FZD3: variants seen among roughly 807,000 people sequenced by gnomAD.
FZD3 encodes frizzled class receptor 3.
In FZD3, 30 loss-of-function variants were observed where a neutral mutation model predicts 60.7. That is an observed-to-expected ratio of 0.49 (90% CI 0.37 to 0.67). The LOEUF is 0.67. Ranked by LOEUF, FZD3 falls within the 30% of genes least tolerant of loss-of-function variation. The probability of loss-of-function intolerance (pLI) is 0.00; values close to 1 mark genes in which losing one functional copy is unlikely to be tolerated. For missense variants in FZD3, 605 were observed against 838.7 expected (o/e 0.72, Z 3.44); for synonymous variants, 246 against 275.2 (o/e 0.89, Z 1.05).
rs1360445216 is a variant in FZD3 at position 28,527,104 on chromosome 8, T to C, written c.387-43T>C. The C allele has an allele frequency of 2.0e-6, 3 of 1,510,470 alleles. No homozygotes were observed. Among genetic ancestry groups the C allele is most frequent in the Admixed American group, 4.0e-5 (2 of 49,560 alleles). The allele number at this position is 1,510,470 out of a possible 1,614,324, so 93.6% of individuals were successfully genotyped here. The stretch of plus-strand genomic sequence containing the variant: ...CCAAACTGTTAGATCGTGATAGATT[T>C]CCCCATAAGTAAAAATAGTTCTCAT... On this transcript the variant is annotated intron_variant, in intron 4 of 7. Transcript: ENST00000240093. The surrounding 1 kb of genome is among the most constrained non-coding windows in gnomAD (Gnocchi z 5.0).
At chr8:28,544,498 C>G (rs1805249951) in intron 5 of FZD3, among the ~76,000 whole-genome samples, 1 of 152,010 alleles carries the variant, frequency 6.6e-6, no homozygotes, top group South Asian at 2.1e-4. Flanking sequence ...TTTCTTAGAG[C>G]AATTCATTTG....
chr8:28,527,354 A>T lies in FZD3; in HGVS notation c.594A>T (p.Glu198Asp). Residue 198 changes from glutamate (E) to aspartate (D), a missense_variant, in exon 5 of 8, where the codon GAA (glutamate) becomes GAT (aspartate). Transcript: ENST00000240093. The surrounding 1 kb of genome is among the most constrained non-coding windows in gnomAD (Gnocchi z 5.0). Reference protein sequence around the residue: ...PCPNMYFRREELSFARYFIGL... With the variant: ...PCPNMYFRREDLSFARYFIGL... ...CAAATATGTACTTCAGAAGAGAAGA[A>T]CTGTCATTTGCTCGCTATTTCATAG... 2 of 1,613,612 alleles carry T rather than the reference A, an allele frequency of 1.2e-6. No homozygotes were observed. Among genetic ancestry groups the T allele is most frequent in the Non-Finnish European group, 1.7e-6 (2 of 1,179,586 alleles).
Position 28,545,481 on chromosome 8 carries a change from G to T in FZD3, c.1405-6122G>T, listed in dbSNP as rs114902677. 3.4e-3 allele frequency among the ~76,000 whole-genome samples: 517 copies of T among 152,308 alleles called. 3 individuals are homozygous for T. The highest frequency in any genetic ancestry group is 0.012 in the African/African-American group (498 of 41,556). ...GAGGGAAACAGAAAGAGAGAAAGGT[G>T]ATTGAGAAGACCAATCACAGAGAGA... On this transcript the variant is annotated intron_variant, in intron 5 of 7. Transcript: ENST00000240093.
At chr8:28,518,207 T>C (rs1186342786) in intron 3 of FZD3, among the ~76,000 whole-genome samples, 1 of 150,944 alleles carries the variant, frequency 6.6e-6, no homozygotes. Context: ...TACAGGCATA[T>C]GCCACCATGC....
intron 4 of FZD3, among the ~76,000 whole-genome samples, chr8:28,523,799 A>T (rs886191089): frequency 6.6e-6 from 1 of 152,116 alleles, no homozygotes; most frequent in Non-Finnish European, 1.5e-5. Flanking sequence ...ATGTATTGGA[A>T]ACTTAATTCT....
chr8:28,495,274 C>A (rs1563376896), intron 1 of FZD3, among the ~76,000 whole-genome samples: 1 of 152,144 alleles, frequency 6.6e-6, no homozygotes, highest in African/African-American at 2.4e-5. Context: ...AGACTGGCTC[C>A]ATGAAGGAGG....
intron 5 of FZD3, chr8:28,530,329 A>C (rs1243030488): frequency 6.6e-6 from 1 of 152,032 alleles, no homozygotes; most frequent in Admixed American, 6.6e-5. Context: ...TCAGTTCCTC[A>C]TAGTATGAGG....
rs142200506 is a variant in FZD3 at position 28,561,862 on chromosome 8, A to T, written c.1788-936A>T. ...AAAGCCAGAATCGTTGATAAGTAGC[A>T]TGCTAGCTCCATAAGCAAAGGCCTA... On this transcript the variant is annotated intron_variant, in intron 7 of 7. Transcript: ENST00000240093. Among the ~76,000 whole-genome samples the T allele has an allele frequency of 4.1e-3, 624 of 152,338 alleles. 4 individuals are homozygous for T. The highest frequency in any genetic ancestry group is 6.8e-3 in the Non-Finnish European group (462 of 68,034).
rs1585942129 is a variant in FZD3, at chr8:28,502,947, T to C, written c.-67T>C. ...GTACCTTCGAGCTGAGACCTGCAGG[T>C]GTATAAATATCTAAAATACATATTG... On this transcript the variant is annotated 5_prime_UTR_variant, in exon 3 of 8. Coordinates refer to ENST00000240093, the MANE Select transcript of FZD3 (RefSeq NM_017412.4). 3 of 989,632 alleles carry C rather than the reference T, an allele frequency of 3.0e-6. No individual in the cohort carries two copies. Among genetic ancestry groups the C allele is most frequent in the South Asian group, 1.6e-5 (1 of 61,720 alleles). 61.3% of individuals were successfully genotyped at this position (989,632 alleles called of 1,614,324 possible). A position where few individuals can be genotyped will look rare whatever the true frequency, so the allele number is the denominator to read the frequency against.
At chr8:28,511,570 C>G (rs1288388135) in intron 3 of FZD3, among the ~76,000 whole-genome samples, 1 of 152,174 alleles carries the variant, frequency 6.6e-6, no homozygotes, top group Non-Finnish European at 1.5e-5. Context: ...CACAAATTGG[C>G]TTCTACTTAC....
At chr8:28,509,368 G>T in intron 3 of FZD3, among the ~76,000 whole-genome samples, 1 of 150,502 alleles carries the variant, frequency 6.6e-6, no homozygotes. Context: ...CACCTTTTTT[G>T]ATACAGTTAT....
intron 6 of FZD3, among the ~76,000 whole-genome samples, chr8:28,552,543 A>G (rs1329064372): frequency 3.9e-5 from 6 of 152,172 alleles, no homozygotes; most frequent in African/African-American, 1.2e-4. Context: ...CACAAACTCT[A>G]AGTTAGTGGA....
Position 28,527,463 on chromosome 8 carries a change from G to T in FZD3, c.703G>T (p.Glu235Ter). The T allele has an allele frequency of 1.9e-6, 3 of 1,613,148 alleles. No individual in the cohort carries two copies. The highest frequency in any genetic ancestry group is 2.5e-6 in the Non-Finnish European group (3 of 1,179,280). ...TGATGTCACAAGATTCCGTTATCCTGAAAGGCCTATTATATTTTATGCAGT... is the reference window on the plus strand; with the variant it reads ...TGATGTCACAAGATTCCGTTATCCTTAAAGGCCTATTATATTTTATGCAGT... The part of the protein sequence containing the change: ...LIDVTRFRYP[E>*]RPIIFYAVCY... The change falls in exon 5 of 8, where the codon GAA becomes TAA. Residue 235 changes from glutamate to a stop codon, truncating the protein, a stop_gained. Transcript: ENST00000240093. LOFTEE classifies it high-confidence loss of function. The surrounding 1 kb of genome is among the most constrained non-coding windows in gnomAD (Gnocchi z 5.0).
At chr8:28,542,404 G>C (rs1805190847) in intron 5 of FZD3, among the ~76,000 whole-genome samples, 1 of 152,148 alleles carries the variant, frequency 6.6e-6, no homozygotes, top group Non-Finnish European at 1.5e-5. Flanking sequence ...TTGGGAGGCT[G>C]AGGTGGGTGG....
Position 28,556,895 on chromosome 8 carries a change from G to A in FZD3, c.1787+924G>A, listed in dbSNP as rs1805518685. The stretch of plus-strand genomic sequence containing the variant: ...AGAGAAAATGTTTGAGAGAAGCCTG[G>A]CTGTGGGTTTCTTGTTAAATTTGAG... On this transcript the variant is annotated intron_variant, in intron 7 of 7. Transcript: ENST00000240093. Among the ~76,000 whole-genome samples, 4 of 152,304 alleles carry A rather than the reference G, an allele frequency of 2.6e-5. No homozygotes were observed. In the South Asian group the frequency reaches 8.3e-4, roughly 32 times the overall value.
chr8:28,511,314 C>T (rs933694492), intron 3 of FZD3, among the ~76,000 whole-genome samples: 4 of 152,004 alleles, frequency 2.6e-5, no homozygotes, highest in African/African-American at 9.7e-5. Flanking sequence ...GGTGAAACCC[C>T]GTCTCTACTA....
rs962261313 is a variant in FZD3 at position 28,565,492 on chromosome 8, G to A, written c.*2481G>A. The A allele has an allele frequency of 2.0e-5, 3 of 152,156 alleles. No homozygotes were observed. Among genetic ancestry groups the A allele is most frequent in the Non-Finnish European group, 4.4e-5 (3 of 68,004 alleles). The allele number at this position is 152,156 out of a possible 1,614,324, so 9.4% of individuals were successfully genotyped here. ...AAGGTACCAGTTTGGGCTCGAAGATGTTGTCATCCATTGCCATCTGCATTA... is the reference window on the plus strand; with the variant it reads ...AAGGTACCAGTTTGGGCTCGAAGATATTGTCATCCATTGCCATCTGCATTA... On this transcript the variant is annotated 3_prime_UTR_variant, in exon 8 of 8. Coordinates refer to ENST00000240093, the MANE Select transcript of FZD3 (RefSeq NM_017412.4).
rs1805668786 is a variant in FZD3, at chr8:28,564,416, A to C, written c.*1405A>C. 1 of 146,326 alleles carries C rather than the reference A, an allele frequency of 6.8e-6. No individual in the cohort carries two copies. The highest frequency in any genetic ancestry group is 2.6e-5 in the African/African-American group (1 of 39,146). 9.1% of individuals were successfully genotyped at this position (146,326 alleles called of 1,614,324 possible). On this transcript the variant is annotated 3_prime_UTR_variant, in exon 8 of 8. Transcript: ENST00000240093. ...TTCAGATGCCTAACACCTTCCTCTC[A>C]TACAAATAAGAATTGGTAGCTTTCT...
chr8:28,521,464 A>G (rs922863318), intron 4 of FZD3, among the ~76,000 whole-genome samples: 1 of 152,162 alleles, frequency 6.6e-6, no homozygotes, highest in Non-Finnish European at 1.5e-5. Flanking sequence ...GAATAAGGTG[A>G]ATACTTATGT....
Sources: allele counts gnomAD v4.1 joint callset (sites outside exome capture counted in the v4.1 genomes callset), GRCh38; gene constraint gnomAD v4.1.1; non-coding constraint Gnocchi (gnomAD v3.1); transcripts MANE v1.5; gene names NCBI Gene and HGNC (gene_info 2026-07-23, HGNC 2026-07-21).